TNPO2: variants seen among roughly 807,000 people sequenced by gnomAD.
TNPO2 encodes the protein transportin-2.
In TNPO2, 16 loss-of-function variants were observed where a neutral mutation model predicts 111.1. That is an observed-to-expected ratio of 0.14 (90% CI 0.10 to 0.22). The LOEUF is 0.22. Ranked by LOEUF, TNPO2 falls within the 10% of genes least tolerant of loss-of-function variation. The probability of loss-of-function intolerance (pLI) is 1.00; values close to 1 mark genes in which losing one functional copy is unlikely to be tolerated. For synonymous variants in TNPO2, 481 were observed against 475.8 expected (o/e 1.01, Z -0.14); for missense variants, 530 against 1,173.7 (o/e 0.45, Z 8.01).
Position 12,715,762 on chromosome 19 carries a change from C to T in TNPO2, c.326-23G>A. ...TGCCTGGGGCGGCCGGGAAAGGACGCTGCCTGAGGCTGGGCAGGGGCTGCC... is the reference window on the plus strand; with the variant it reads ...TGCCTGGGGCGGCCGGGAAAGGACGTTGCCTGAGGCTGGGCAGGGGCTGCC... On this transcript the variant is annotated intron_variant, in intron 5 of 25. Transcript: ENST00000425528. The surrounding 1 kb of genome is among the most constrained non-coding windows in gnomAD (Gnocchi z 7.1). The T allele has an allele frequency of 6.3e-7, 1 of 1,579,588 alleles. No individual in the cohort carries two copies. The highest frequency in any genetic ancestry group is 8.6e-7 in the Non-Finnish European group (1 of 1,163,162).
rs2025270904 is a variant in TNPO2, at chr19:12,701,154, T to C, written c.*110A>G. 1.9e-6 allele frequency: 1 copy of C among 532,944 alleles called. No homozygotes were observed. The highest frequency in any genetic ancestry group is 1.9e-5 in the African/African-American group (1 of 52,218). 33.0% of individuals were successfully genotyped at this position (532,944 alleles called of 1,614,324 possible). A position where few individuals can be genotyped will look rare whatever the true frequency, so the allele number is the denominator to read the frequency against. ...GCATCTGGATTTGAGTCCCACTCAC[T>C]CCTCCCTAACCCCCCTCAACCAGGG... On this transcript the variant is annotated 3_prime_UTR_variant, in exon 26 of 26. Transcript: ENST00000425528. This position sits in a 1 kb window ranked among gnomAD's most constrained non-coding sequence, Gnocchi z 5.0.
rs894937215 is a variant in TNPO2 at position 12,721,940 on chromosome 19, C to A, written c.-13-950G>T. Among the ~76,000 whole-genome samples, 2 of 151,562 alleles carry A rather than the reference C, an allele frequency of 1.3e-5. No individual in the cohort carries two copies. The highest frequency in any genetic ancestry group is 2.9e-5 in the Non-Finnish European group (2 of 67,832). ...CCCAGTTCGGCCTGGGTAAACACCC[C>A]CCGGGGCATTCCCCTCAACGGATCC... On this transcript the variant is annotated intron_variant, in intron 2 of 25. Transcript: ENST00000425528. This position sits in a 1 kb window ranked among gnomAD's most constrained non-coding sequence, Gnocchi z 4.9.
In TNPO2 at chr19:12,721,130, C is replaced by G; in HGVS notation, c.-13-140G>C. 2 of 1,483,510 alleles carry G rather than the reference C, an allele frequency of 1.3e-6. No homozygotes were observed. Among genetic ancestry groups the G allele is most frequent in the Non-Finnish European group, 1.8e-6 (2 of 1,124,432 alleles). 91.9% of individuals were successfully genotyped at this position (1,483,510 alleles called of 1,614,324 possible). On this transcript the variant is annotated intron_variant, in intron 2 of 25. Transcript: ENST00000425528. The surrounding 1 kb of genome is among the most constrained non-coding windows in gnomAD (Gnocchi z 4.9). ...GGCGGAGGCCTCCGATCCACGCCCG[C>G]CCAAGTGCGGGGTCCCCGCCAGCTG...
Position 12,711,577 on chromosome 19 carries a change from C to T in TNPO2, c.927G>A (p.Ser309=), listed in dbSNP as rs765107737. The T allele has an allele frequency of 1.8e-5, 29 of 1,613,746 alleles. No individual in the cohort carries two copies. The highest frequency in any genetic ancestry group is 1.6e-4 in the Middle Eastern group (1 of 6,084). ...IPILVNGMKY[S]EIDIILLKGD... ...CCTTGAGCAGGATGATGTCAATTTC[C>T]GAGTACTTCATCCCATTCACCAAGA... The change falls in exon 11 of 26, where the codon TCG becomes TCA. Residue 309 remains serine (S), a synonymous_variant. Coordinates refer to ENST00000425528, the MANE Select transcript of TNPO2 (RefSeq NM_001382241.1).
chr19:12,714,733 A>G, intron 10 of TNPO2, 88 bp downstream of exon 10: 1 of 1,015,414 alleles, frequency 9.8e-7, no homozygotes, highest in Admixed American at 1.9e-5. Flanking sequence ...GTGGACTGAG[A>G]GAAGCACAGC....
intron 5 of TNPO2, among the ~76,000 whole-genome samples, chr19:12,717,554 G>A (rs753662224): frequency 2.6e-5 from 4 of 152,116 alleles, no homozygotes; most frequent in Non-Finnish European, 2.9e-5. Flanking sequence ...TTAGAGGCGT[G>A]AGCCACTGTG....
In TNPO2 at chr19:12,710,613, G is replaced by A. The variant is rs573444370; in HGVS notation, c.1270+8C>T. On this transcript the variant is annotated splice_region_variant and intron_variant, in intron 13 of 25. Transcript: ENST00000425528. Reference sequence around the variant, plus strand: ...CCAGCACAGGGCTCAGAGATCAGGCGCACTCACCCTCAGCAATGGCGCCCA... The same window carrying A: ...CCAGCACAGGGCTCAGAGATCAGGCACACTCACCCTCAGCAATGGCGCCCA... 33 of 1,612,316 alleles carry A rather than the reference G, an allele frequency of 2.0e-5. No homozygotes were observed. Among genetic ancestry groups the A allele is most frequent in the African/African-American group, 4.0e-5 (3 of 75,000 alleles).
At position 12,699,859 on chromosome 19, in the gene TNPO2, G is replaced by A. The variant is rs2025195491; in HGVS notation, c.*1405C>T. The A allele has an allele frequency of 6.6e-6, 1 of 152,332 alleles. No homozygotes were observed. Among genetic ancestry groups the A allele is most frequent in the African/African-American group, 2.4e-5 (1 of 41,318 alleles). The allele number at this position is 152,332 out of a possible 1,614,324, so 9.4% of individuals were successfully genotyped here. A position where few individuals can be genotyped will look rare whatever the true frequency, so the allele number is the denominator to read the frequency against. Reference sequence around the variant, plus strand: ...GAGGGATGGATGGAGCAGGCCCCAGGATGCGAGACTCCAGTCAGACTCCAA... The same window carrying A: ...GAGGGATGGATGGAGCAGGCCCCAGAATGCGAGACTCCAGTCAGACTCCAA... On this transcript the variant is annotated 3_prime_UTR_variant, in exon 26 of 26. Coordinates refer to ENST00000425528, the MANE Select transcript of TNPO2 (RefSeq NM_001382241.1).
At chr19:12,720,061 G>A (rs1423577461) in intron 3 of TNPO2, among the ~76,000 whole-genome samples, 5 of 151,770 alleles carry the variant, frequency 3.3e-5, no homozygotes, top group African/African-American at 1.2e-4. Flanking sequence ...CTGTCACTTA[G>A]GCTGGAGTGC....
rs2025262532 is a variant in TNPO2, at chr19:12,701,040, T to A, written c.*224A>T. 39 of 278,540 alleles carry A rather than the reference T, an allele frequency of 1.4e-4. No homozygotes were observed. The highest frequency in any genetic ancestry group is 1.2e-3 in the Middle Eastern group (1 of 856). The allele number at this position is 278,540 out of a possible 1,614,324, so 17.3% of individuals were successfully genotyped here. ...TTGCCCACCAGAAGTCCCCCCCACC[T>A]CCCCGTTTGTAGGATGAGCATGGTG... On this transcript the variant is annotated 3_prime_UTR_variant, in exon 26 of 26. Transcript: ENST00000425528. The surrounding 1 kb of genome is among the most constrained non-coding windows in gnomAD (Gnocchi z 5.0).
intron 19 of TNPO2, 66 bp downstream of exon 19, chr19:12,703,648 G>C (rs1262908426): frequency 3.2e-6 from 5 of 1,579,824 alleles, no homozygotes; most frequent in Middle Eastern, 1.7e-4. Context: ...TCATCCCCGG[G>C]TATTGCTCTC....
In TNPO2 at chr19:12,719,724, AGCAGGTGAAGGTT is replaced by A. The variant is rs2026564114; in HGVS notation, c.100-401_100-389del. On this transcript the variant is annotated intron_variant, in intron 3 of 25. Coordinates refer to ENST00000425528, the MANE Select transcript of TNPO2 (RefSeq NM_001382241.1). This position sits in a 1 kb window ranked among gnomAD's most constrained non-coding sequence, Gnocchi z 5.0. ...TGACGCAGGGGAATCGCTTGAACCC[AGCAGGTGAAGGTT>A]GCAGTGAGCCGAGATTGCGCCTCTG... is the stretch of plus-strand genomic sequence containing the variant. Among the ~76,000 whole-genome samples the A allele has an allele frequency of 6.6e-6, 1 of 151,912 alleles. No individual in the cohort carries two copies. Among genetic ancestry groups the A allele is most frequent in the South Asian group, 2.1e-4 (1 of 4,822 alleles).
intron 5 of TNPO2, among the ~76,000 whole-genome samples, chr19:12,716,224 G>T (rs982167269): frequency 6.6e-6 from 1 of 152,190 alleles, no homozygotes; most frequent in African/African-American, 2.4e-5. Flanking sequence ...GAGCCTTACT[G>T]TGAGTCAACT....
rs2025580124 is a variant in TNPO2 at position 12,705,338 on chromosome 19, G to C, written c.1924C>G (p.Leu642Val). Residue 642 changes from leucine to valine, a missense_variant, in exon 18 of 26, where the codon CTG (leucine) becomes GTG (valine). This residue lies in a region of TNPO2 where 183 missense variants were observed against 481.0 expected (regional missense o/e 0.38). Transcript: ENST00000425528. The surrounding 1 kb of genome is among the most constrained non-coding windows in gnomAD (Gnocchi z 7.2). The part of the protein sequence containing the change: ...APDKDFMIVA[L>V]DLLSGLAEGL... ...TCGGCCAGGCCGCTGAGCAGATCCA[G>C]TGCTACGATCATGAAGTCCTTGTCG... is the stretch of plus-strand genomic sequence containing the variant. The C allele has an allele frequency of 3.1e-6, 5 of 1,591,724 alleles. No individual in the cohort carries two copies.
At position 12,706,205 on chromosome 19, in the gene TNPO2, G is replaced by A; in HGVS notation, c.1659C>T (p.Leu553=). 6.2e-7 allele frequency: 1 copy of A among 1,613,480 alleles called. No homozygotes were observed. Among genetic ancestry groups the A allele is most frequent in the Non-Finnish European group, 8.5e-7 (1 of 1,179,786 alleles). ...GTLADSVGHH[L]NQPEYIQKLM... ...CGCTCTGGGGTCTCACCGGCTGGTT[G>A]AGGTGGTGGCCTACAGAGTCGGCCA... Residue 553 remains leucine, a synonymous_variant, in exon 15 of 26, where the codon CTC becomes CTT. Coordinates refer to ENST00000425528, the MANE Select transcript of TNPO2 (RefSeq NM_001382241.1). The surrounding 1 kb of genome is among the most constrained non-coding windows in gnomAD (Gnocchi z 7.0).
chr19:12,705,804 C>T lies in TNPO2; in HGVS notation c.1669-36G>A, dbSNP rs1242571030. The T allele has an allele frequency of 3.6e-6, 5 of 1,407,574 alleles. No individual in the cohort carries two copies. The highest frequency in any genetic ancestry group is 1.8e-4 in the Middle Eastern group (1 of 5,460). The allele number at this position is 1,407,574 out of a possible 1,614,324, so 87.2% of individuals were successfully genotyped here. A position where few individuals can be genotyped will look rare whatever the true frequency, so the allele number is the denominator to read the frequency against. On this transcript the variant is annotated intron_variant, in intron 15 of 25. Coordinates refer to ENST00000425528, the MANE Select transcript of TNPO2 (RefSeq NM_001382241.1). The surrounding 1 kb of genome is among the most constrained non-coding windows in gnomAD (Gnocchi z 7.2). ...AGCACGAAATGGGCGCTCCCTGGGT[C>T]GGGGTGGCAGACTGTGACTCAGGTA...
intron 1 of TNPO2, 56 bp downstream of exon 1, chr19:12,723,713 G>A (rs1157693120): frequency 6.6e-6 from 1 of 152,176 alleles, no homozygotes; most frequent in Non-Finnish European, 1.5e-5. Context: ...CCTCGAGAGA[G>A]GCAGAGGTCA....
rs777972165 is a variant in TNPO2 at position 12,706,557 on chromosome 19, G to A, written c.1496+13C>T. Reference sequence around the variant, plus strand: ...GGAGAGTGGGGGCTGTGGGATCAGGGGTCCAGGGTCACCTGCAGGCCGCCT... The same window carrying A: ...GGAGAGTGGGGGCTGTGGGATCAGGAGTCCAGGGTCACCTGCAGGCCGCCT... On this transcript the variant is annotated intron_variant, in intron 14 of 25. Transcript: ENST00000425528. This position sits in a 1 kb window ranked among gnomAD's most constrained non-coding sequence, Gnocchi z 7.0. 7 of 1,613,236 alleles carry A rather than the reference G, an allele frequency of 4.3e-6. No individual in the cohort carries two copies. Among genetic ancestry groups the A allele is most frequent in the Non-Finnish European group, 5.9e-6 (7 of 1,179,400 alleles).
chr19:12,711,649 G>A (rs777113289), intron 10 of TNPO2, 36 bp from the exon 11 acceptor site: 2 of 1,599,840 alleles, frequency 1.3e-6, no homozygotes, highest in South Asian at 1.1e-5. Flanking sequence ...GGATGCAGGG[G>A]CCGTGGCAAA....
Sources: allele counts gnomAD v4.1 joint callset (sites outside exome capture counted in the v4.1 genomes callset), GRCh38; gene constraint gnomAD v4.1.1; regional missense constraint gnomAD v4.1.1; non-coding constraint Gnocchi (gnomAD v3.1); transcripts MANE v1.5; gene names NCBI Gene and HGNC (gene_info 2026-07-23, HGNC 2026-07-21).